NELFA: variants seen among roughly 807,000 people sequenced by gnomAD.
NELFA encodes the protein negative elongation factor complex member A, also known as negative elongation factor A.
In NELFA, 35 loss-of-function variants were observed where a neutral mutation model predicts 51.8. The ratio of observed to expected loss-of-function variants is 0.68; its 90% CI spans 0.52 to 0.90. The LOEUF (loss-of-function observed/expected upper bound fraction) is 0.90, where lower values mean the gene tolerates loss of function less well. Among genes scored for constraint, NELFA ranks in the 40% least tolerant of loss-of-function variants. The pLI is 0.00. For missense variants in NELFA, 658 were observed against 746.4 expected (o/e 0.88, Z 1.38); for synonymous variants, 417 against 338.4 (o/e 1.23, Z -2.55).
At chr4:1,984,760 T>A (rs1328243077) in intron 8 of NELFA, 48 bp downstream of exon 8, 2 of 1,406,968 alleles carry the variant, frequency 1.4e-6, no homozygotes. Context: ...CAAGGTCATG[T>A]CCTGGCAGGC....
At position 1,983,195 on chromosome 4, in the gene NELFA, C is replaced by T; in HGVS notation, c.*124G>A. On this transcript the variant is annotated 3_prime_UTR_variant, in exon 11 of 11. Transcript: ENST00000382882. ...ATCCAGAACTTAAAACAGGCTGGGT[C>T]AGCAGCAGGGCGGCGGCCGGGGGAC... 1.1e-6 allele frequency: 1 copy of T among 929,638 alleles called. No homozygotes were observed. The highest frequency in any genetic ancestry group is 1.6e-6 in the Non-Finnish European group (1 of 627,560). 57.6% of individuals were successfully genotyped at this position (929,638 alleles called of 1,614,324 possible).
chr4:2,006,331 C>T (rs1362920490), intron 1 of NELFA, among the ~76,000 whole-genome samples: 2 of 152,170 alleles, frequency 1.3e-5, no homozygotes, highest in South Asian at 2.1e-4. Context: ...GATTCAAGTG[C>T]GAAAGGTAAA....
In NELFA at chr4:1,988,146, G is replaced by C. The variant is rs917965736; in HGVS notation, c.545-139C>G. ...TTCTCTCTAAATGAGCAGCTGTTCC[G>C]AGCCGGGCCTGACACCAGCTCGCAC... On this transcript the variant is annotated intron_variant, in intron 3 of 10. Transcript: ENST00000382882. The C allele has an allele frequency of 8.6e-6, 6 of 694,386 alleles. No individual in the cohort carries two copies. The South Asian group carries it at 1.2e-4, about 14-fold the overall frequency. The allele number at this position is 694,386 out of a possible 1,614,324, so 43.0% of individuals were successfully genotyped here. A position where few individuals can be genotyped will look rare whatever the true frequency, so the allele number is the denominator to read the frequency against.
intron 1 of NELFA, among the ~76,000 whole-genome samples, chr4:1,995,156 G>GGAAC (rs1728389283): frequency 6.6e-6 from 1 of 152,218 alleles, no homozygotes; most frequent in Non-Finnish European, 1.5e-5. Flanking sequence ...CTGAGTAAGG[G>GGAAC]GAACTCCTGC....
chr4:1,983,309 G>C lies in NELFA; in HGVS notation c.*10C>G, dbSNP rs1444144291. 5 of 1,606,378 alleles carry C rather than the reference G, an allele frequency of 3.1e-6. No individual in the cohort carries two copies. Among genetic ancestry groups the C allele is most frequent in the Non-Finnish European group, 4.3e-6 (5 of 1,174,088 alleles). On this transcript the variant is annotated 3_prime_UTR_variant, in exon 11 of 11. Coordinates refer to ENST00000382882, the MANE Select transcript of NELFA (RefSeq NM_005663.5). ...CCCACAAGTGACGGCCAGCTGTGAG[G>C]CAGGTGGTTCTAGGACACATTGGTC...
intron 1 of NELFA, among the ~76,000 whole-genome samples, chr4:1,999,845 T>C (rs1728526439): frequency 6.6e-6 from 1 of 152,204 alleles, no homozygotes; most frequent in Non-Finnish European, 1.5e-5. Context: ...TTCTTCTCAG[T>C]GCTACGTGGC....
chr4:2,006,070 T>C (rs561539695), intron 1 of NELFA, among the ~76,000 whole-genome samples: 2 of 152,314 alleles, frequency 1.3e-5, no homozygotes, highest in East Asian at 3.9e-4. Flanking sequence ...GTGGGAGGGT[T>C]TGCTCCGTCC....
intron 2 of NELFA, chr4:1,990,628 C>A: frequency 2.4e-6 from 1 of 408,350 alleles, no homozygotes; most frequent in South Asian, 1.7e-5. Context: ...GAGTGTGCAG[C>A]CTCGATGTCT....
intron 4 of NELFA, chr4:1,987,604 C>G (rs1040513989): frequency 8.1e-6 from 3 of 370,312 alleles, no homozygotes; most frequent in African/African-American, 4.2e-5. Context: ...GGGGCCAGCA[C>G]TGTCCTCAGA....
At chr4:1,995,169 G>A (rs568408539) in intron 1 of NELFA, among the ~76,000 whole-genome samples, 5 of 152,380 alleles carry the variant, frequency 3.3e-5, no homozygotes, top group Non-Finnish European at 5.9e-5. Flanking sequence ...ACTCCTGCCT[G>A]TTTGAGCTGG....
At position 1,991,727 on chromosome 4, in the gene NELFA, G is replaced by A. The variant is rs1408927249; in HGVS notation, c.211-12C>T. ...AGGGCGCCCTTCATCTGCAAAATAG[G>A]ATGCTGCCGGCGCCACCATGCCCCT... is the stretch of plus-strand genomic sequence containing the variant. On this transcript the variant is annotated splice_polypyrimidine_tract_variant and intron_variant, in intron 1 of 10. Coordinates refer to ENST00000382882, the MANE Select transcript of NELFA (RefSeq NM_005663.5). The A allele has an allele frequency of 7.0e-6, 11 of 1,576,322 alleles. No homozygotes were observed. Among genetic ancestry groups the A allele is most frequent in the Non-Finnish European group, 8.6e-6 (10 of 1,162,268 alleles).
chr4:1,984,227 C>G, intron 8 of NELFA, 114 bp from the exon 9 acceptor site: 1 of 1,281,900 alleles, frequency 7.8e-7, no homozygotes, highest in Non-Finnish European at 1.0e-6. Context: ...TACCCTCTGA[C>G]AAGAACTCCC....
chr4:1,988,742 C>T (rs1459040777), intron 3 of NELFA, among the ~76,000 whole-genome samples: 1 of 152,156 alleles, frequency 6.6e-6, no homozygotes, highest in Non-Finnish European at 1.5e-5. Context: ...TTTGGGAAAA[C>T]GTTAACTGAA....
chr4:1,988,174 TACA>T (rs760117920), intron 3 of NELFA, among the ~76,000 whole-genome samples, 167 bp from the exon 4 acceptor site: 19 of 152,342 alleles, frequency 1.2e-4, no homozygotes, highest in East Asian at 9.7e-4. Context: ...GCTCGCACTT[TACA>T]ACGAGTCAGA....
At chr4:1,985,922 G>C in intron 6 of NELFA, 58 bp from the exon 7 acceptor site, 1 of 1,475,578 alleles carries the variant, frequency 6.8e-7, no homozygotes, top group Non-Finnish European at 9.2e-7. Flanking sequence ...TGTCAGCTCA[G>C]GGCAGCGGCA....
At chr4:2,005,878 C>T (rs1280000053) in intron 1 of NELFA, among the ~76,000 whole-genome samples, 2 of 151,936 alleles carry the variant, frequency 1.3e-5, no homozygotes, top group African/African-American at 4.8e-5. Flanking sequence ...ATAGATAAGC[C>T]CACACCCACA....
In NELFA at chr4:1,983,308, G is replaced by C. The variant is rs758996901; in HGVS notation, c.*11C>G. ...CCCCACAAGTGACGGCCAGCTGTGA[G>C]GCAGGTGGTTCTAGGACACATTGGT... On this transcript the variant is annotated 3_prime_UTR_variant, in exon 11 of 11. Transcript: ENST00000382882. 9 of 1,606,476 alleles carry C rather than the reference G, an allele frequency of 5.6e-6. No homozygotes were observed. Among genetic ancestry groups the C allele is most frequent in the African/African-American group, 1.3e-5 (1 of 74,810 alleles).
At position 2,007,700 on chromosome 4, in the gene NELFA, A is replaced by T. The variant is rs1391502480; in HGVS notation, c.210+1050T>A. 2.6e-5 allele frequency among the ~76,000 whole-genome samples: 4 copies of T among 152,336 alleles called. No individual in the cohort carries two copies. In the East Asian group the frequency reaches 7.7e-4, roughly 29 times the overall value. ...TACCAGTGGGAGGCTTCCAAGGAAC[A>T]GGCATGGTTCTACTTCTCCACCTGT... is the stretch of plus-strand genomic sequence containing the variant. On this transcript the variant is annotated intron_variant, in intron 1 of 10. Transcript: ENST00000382882.
chr4:2,008,746 T>C lies in NELFA; in HGVS notation c.210+4A>G, dbSNP rs1439807766. The C allele has an allele frequency of 1.2e-6, 2 of 1,605,002 alleles. No homozygotes were observed. The highest frequency in any genetic ancestry group is 1.7e-6 in the Non-Finnish European group (2 of 1,176,206). ...GGGGCCGCGGGGCGCCACGCCTGCC[T>C]TACCTCGTCCACCGTGCGGCGCGGG... is the stretch of plus-strand genomic sequence containing the variant. On this transcript the variant is annotated splice_donor_region_variant and intron_variant, in intron 1 of 10. Coordinates refer to ENST00000382882, the MANE Select transcript of NELFA (RefSeq NM_005663.5).
Sources: allele counts gnomAD v4.1 joint callset (sites outside exome capture counted in the v4.1 genomes callset), GRCh38; gene constraint gnomAD v4.1.1; transcripts MANE v1.5; gene names NCBI Gene and HGNC (gene_info 2026-07-23, HGNC 2026-07-21).